RASGRF2: variants seen among roughly 807,000 people sequenced by gnomAD.
The protein encoded by RASGRF2 is ras-specific guanine nucleotide-releasing factor 2.
RASGRF2 carries 76 observed loss-of-function variants against 151.0 expected under a neutral mutation model. That is an observed-to-expected ratio of 0.50 (90% CI 0.42 to 0.61). The LOEUF is 0.61. RASGRF2 is among the 20% of genes least tolerant of loss of function. The pLI, the probability that RASGRF2 is intolerant of heterozygous loss-of-function variation, is 0.00. For synonymous variants in RASGRF2, 504 were observed against 566.5 expected, an observed-to-expected ratio of 0.89 and a Z score of 1.57; for missense variants, 1,148 against 1,564.6, an observed-to-expected ratio of 0.73 and a Z score of 4.49.
chr5:81,132,382 A>T (rs13340388), intron 17 of RASGRF2, among the ~76,000 whole-genome samples: 3,629 of 152,224 alleles, frequency 0.024, 128 homozygotes, highest in African/African-American at 0.08. Flanking sequence ...TGTTGTTGTT[A>T]TTTCAAGGTA....
At chr5:81,040,955 T>C (rs1750658810) in intron 1 of RASGRF2, among the ~76,000 whole-genome samples, 1 of 152,182 alleles carries the variant, frequency 6.6e-6, no homozygotes, top group East Asian at 1.9e-4. Flanking sequence ...ATTTTGAAAC[T>C]TTATAGGCTA....
chr5:80,966,083 T>TTGTG (rs70994407), intron 1 of RASGRF2, among the ~76,000 whole-genome samples: 6,688 of 149,702 alleles, frequency 0.045, 423 homozygotes, highest in African/African-American at 0.15. Context: ...GGATATATGT[T>TTGTG]TGTGTGTGTG....
At chr5:81,121,147 C>T (rs1753298051) in intron 15 of RASGRF2, among the ~76,000 whole-genome samples, 1 of 151,952 alleles carries the variant, frequency 6.6e-6, no homozygotes, top group Admixed American at 6.6e-5. Flanking sequence ...GCTGTGTGAA[C>T]CCTGCTGTCT....
chr5:81,225,535 A>G (rs985503001), intron 26 of RASGRF2, 143 bp from the exon 27 acceptor site: 251 of 1,260,264 alleles, frequency 2.0e-4, no homozygotes, highest in Non-Finnish European at 2.5e-4. Context: ...TTTTTTAACA[A>G]TGGAAACATA....
chr5:81,103,358 A>T (rs1163045775), intron 12 of RASGRF2, among the ~76,000 whole-genome samples: 1 of 152,118 alleles, frequency 6.6e-6, no homozygotes, highest in African/African-American at 2.4e-5. Context: ...CATATATTCT[A>T]CATACCTATA....
intron 1 of RASGRF2, among the ~76,000 whole-genome samples, chr5:81,035,479 G>T (rs542336625): frequency 6.6e-6 from 1 of 152,068 alleles, no homozygotes; most frequent in African/African-American, 2.4e-5. Context: ...GGGCGAGTGG[G>T]GAGGGATAGC....
At chr5:81,137,662 C>T (rs1486827671) in intron 17 of RASGRF2, among the ~76,000 whole-genome samples, 2 of 152,120 alleles carry the variant, frequency 1.3e-5, no homozygotes, top group East Asian at 1.9e-4. Context: ...TAGACTAAGG[C>T]GTGACCACGT....
intron 12 of RASGRF2, among the ~76,000 whole-genome samples, chr5:81,102,713 G>C (rs202046921): frequency 2.8e-5 from 4 of 144,186 alleles, no homozygotes; most frequent in Non-Finnish European, 6.1e-5. Context: ...AAAAAAAAAA[G>C]AATGTGTCTG....
chr5:81,192,057 G>C (rs1313087485), intron 18 of RASGRF2, among the ~76,000 whole-genome samples: 1 of 152,096 alleles, frequency 6.6e-6, no homozygotes, highest in African/African-American at 2.4e-5. Context: ...TTAAAACTTA[G>C]GTAGCTTATT....
At chr5:81,027,427 A>T (rs1398998301) in intron 1 of RASGRF2, among the ~76,000 whole-genome samples, 1 of 152,144 alleles carries the variant, frequency 6.6e-6, no homozygotes, top group African/African-American at 2.4e-5. Context: ...AAATAGTGAT[A>T]AAAAAACTCC....
At chr5:81,191,482 ATTAGAG>A (rs939151591) in intron 18 of RASGRF2, among the ~76,000 whole-genome samples, 3 of 152,192 alleles carry the variant, frequency 2.0e-5, no homozygotes, top group African/African-American at 7.2e-5. Context: ...TTCTAGTTAT[ATTAGAG>A]TTAAACTCAA....
At chr5:81,000,040 G>T (rs1283891084) in intron 1 of RASGRF2, among the ~76,000 whole-genome samples, 1 of 152,184 alleles carries the variant, frequency 6.6e-6, no homozygotes, top group Admixed American at 6.5e-5. Flanking sequence ...TGGGGCTGGA[G>T]TAGCTCGACT....
chr5:81,073,803 G>C (rs942134930), intron 5 of RASGRF2, among the ~76,000 whole-genome samples: 2 of 152,088 alleles, frequency 1.3e-5, no homozygotes, highest in Non-Finnish European at 2.9e-5. Flanking sequence ...ATTTTTAGTA[G>C]AGACGGGGTT....
At chr5:81,142,168 T>C (rs1015240887) in intron 17 of RASGRF2, among the ~76,000 whole-genome samples, 14 of 152,234 alleles carry the variant, frequency 9.2e-5, no homozygotes, top group African/African-American at 3.1e-4. Context: ...GTAGGTGTTG[T>C]ACTGCATTGA....
chr5:81,069,559 G>A (rs891301464), intron 3 of RASGRF2, among the ~76,000 whole-genome samples: 10 of 152,196 alleles, frequency 6.6e-5, no homozygotes, highest in African/African-American at 1.9e-4. Flanking sequence ...CCTTCACTAT[G>A]TTCTATTTTA....
At chr5:81,058,942 A>G (rs1052407273) in intron 2 of RASGRF2, among the ~76,000 whole-genome samples, 6 of 152,140 alleles carry the variant, frequency 3.9e-5, no homozygotes, top group East Asian at 1.9e-4. Flanking sequence ...TTGAACGACT[A>G]TTCTGTGCCA....
chr5:80,970,116 C>T (rs768454897), intron 1 of RASGRF2, among the ~76,000 whole-genome samples: 12 of 152,278 alleles, frequency 7.9e-5, no homozygotes, highest in African/African-American at 1.4e-4. Context: ...TGAGCCACCG[C>T]GCCCTTTGCA....
At chr5:80,985,892 T>C (rs985413553) in intron 1 of RASGRF2, among the ~76,000 whole-genome samples, 1 of 151,974 alleles carries the variant, frequency 6.6e-6, no homozygotes, top group South Asian at 2.1e-4. Flanking sequence ...AAGATAAATA[T>C]AGAGTGTGTG....
chr5:81,189,831 C>T (rs2112692285), intron 18 of RASGRF2, among the ~76,000 whole-genome samples: 1 of 151,978 alleles, frequency 6.6e-6, no homozygotes, highest in South Asian at 2.1e-4. Context: ...CCTGCCTCAG[C>T]CTCCCAAGTA....
Sources: gnomAD v4.1 joint callset for allele counts (sites outside exome capture counted in the v4.1 genomes callset) on GRCh38, gnomAD v4.1.1 for gene constraint, MANE v1.5 for transcripts, NCBI Gene and HGNC (gene_info 2026-07-23, HGNC 2026-07-21) for gene names.